The following EAF2 variants were observed in gnomAD, a reference collection of about 807,000 sequenced individuals.
EAF2 encodes ELL-associated factor 2.
Under a neutral mutation model 29.4 loss-of-function variants are expected in EAF2, and 29 were observed. That is an observed-to-expected ratio of 0.99 (90% confidence interval 0.73 to 1.35). EAF2 has a LOEUF of 1.35. Among genes scored for constraint, EAF2 ranks in the 40% most tolerant of loss-of-function variants. The probability of loss-of-function intolerance (pLI) is 0.00; values close to 1 mark genes in which losing one functional copy is unlikely to be tolerated. For synonymous variants in EAF2, 103 were observed against 102.5 expected (o/e 1.00, Z -0.03); for missense variants, 292 against 312.0 (o/e 0.94, Z 0.48).
intron 2 of EAF2, among the ~76,000 whole-genome samples, chr3:121,851,398 C>A (rs1025034949): frequency 6.6e-6 from 1 of 151,944 alleles, no homozygotes; most frequent in Non-Finnish European, 1.5e-5. Context: ...CCATGCTGGT[C>A]GGAAACTCCT....
At chr3:121,880,062 G>A (rs925095979) in intron 5 of EAF2, among the ~76,000 whole-genome samples, 1 of 152,082 alleles carries the variant, frequency 6.6e-6, no homozygotes, top group South Asian at 2.1e-4. Context: ...TCTTTAATCA[G>A]TGTTTTATAG....
At chr3:121,855,372 C>T (rs73855465) in intron 3 of EAF2, among the ~76,000 whole-genome samples, 31,638 of 152,000 alleles carry the variant, frequency 0.21, 4,080 homozygotes, top group Admixed American at 0.35. Flanking sequence ...ATAGTATAGA[C>T]AAAAATTGCT....
At chr3:121,865,079 A>G (rs1049723967) in intron 4 of EAF2, among the ~76,000 whole-genome samples, 2 of 152,162 alleles carry the variant, frequency 1.3e-5, no homozygotes, top group African/African-American at 4.8e-5. Context: ...GGCCTTAATA[A>G]AAGCATTGTA....
rs573293829 is a variant in EAF2, at chr3:121,845,116, A to G, written c.201+569A>G. On this transcript the variant is annotated intron_variant, in intron 2 of 5. Transcript: ENST00000273668. ...GCCGAAAGAACAAAGAGTTTGTGGA[A>G]TAAGTGACTTTACGTAGTAAATCAT... Among the ~76,000 whole-genome samples the G allele has an allele frequency of 2.0e-5, 3 of 152,328 alleles. No individual in the cohort carries two copies. The East Asian group carries it at 5.8e-4, about 29-fold the overall frequency.
At chr3:121,882,906 A>G (rs539480628) in intron 5 of EAF2, among the ~76,000 whole-genome samples, 236 of 151,944 alleles carry the variant, frequency 1.6e-3, no homozygotes, top group South Asian at 8.9e-3. Context: ...GCTCAGCTTT[A>G]TGAGACCCAA....
chr3:121,856,248 G>C (rs1163788964), intron 3 of EAF2, among the ~76,000 whole-genome samples: 1 of 150,310 alleles, frequency 6.7e-6, no homozygotes, highest in African/African-American at 2.5e-5. Context: ...TATCGTACCT[G>C]TTATACACTT....
chr3:121,856,498 A>G (rs904374372), intron 3 of EAF2, among the ~76,000 whole-genome samples: 2 of 151,604 alleles, frequency 1.3e-5, no homozygotes, highest in East Asian at 2.0e-4. Context: ...TTTTTGTTTT[A>G]TGAGACAGGG....
At chr3:121,836,709 C>T (rs1284011255) in intron 1 of EAF2, 31 of 987,618 alleles carry the variant, frequency 3.1e-5, no homozygotes, top group Non-Finnish European at 3.7e-5. Flanking sequence ...TCCCATTTTC[C>T]GGAAGTGTGA....
intron 2 of EAF2, among the ~76,000 whole-genome samples, chr3:121,845,440 C>CAAAAAAAAAAAAAAA (rs747436052): frequency 6.7e-5 from 4 of 59,928 alleles, no homozygotes; most frequent in East Asian, 5.9e-4. Context: ...TCCTACATCT[C>CAAAAAAAAAAAAAAA]AAAAAAAAAA....
chr3:121,847,882 C>A (rs13065245), intron 2 of EAF2, among the ~76,000 whole-genome samples: 32,593 of 151,898 alleles, frequency 0.21, 3,980 homozygotes, highest in Non-Finnish European at 0.28. Flanking sequence ...TCTCTTGGAG[C>A]TAGACATCCT....
intron 4 of EAF2, among the ~76,000 whole-genome samples, chr3:121,864,298 A>T (rs1708885975): frequency 6.6e-6 from 1 of 152,202 alleles, no homozygotes; most frequent in Non-Finnish European, 1.5e-5. Flanking sequence ...AGCCCAGTAG[A>T]GTATTCATTC....
intron 3 of EAF2, among the ~76,000 whole-genome samples, chr3:121,856,574 T>C (rs1186058720): frequency 1.3e-5 from 2 of 152,228 alleles, no homozygotes; most frequent in South Asian, 2.1e-4. Flanking sequence ...TTCTAACTCC[T>C]GGGCTCAAAT....
intron 2 of EAF2, among the ~76,000 whole-genome samples, 155 bp from the exon 3 acceptor site, chr3:121,854,532 C>G (rs2107516147): frequency 6.6e-6 from 1 of 152,130 alleles, no homozygotes; most frequent in African/African-American, 2.4e-5. Flanking sequence ...GTCTTTTTTA[C>G]TACACTCTTT....
chr3:121,858,930 C>A (rs1350376707), intron 4 of EAF2, among the ~76,000 whole-genome samples: 1 of 152,140 alleles, frequency 6.6e-6, no homozygotes, highest in East Asian at 1.9e-4. Context: ...ACAGGGAATC[C>A]TTTCCCCGTT....
At chr3:121,862,604 G>A (rs1417707659) in intron 4 of EAF2, among the ~76,000 whole-genome samples, 4 of 152,128 alleles carry the variant, frequency 2.6e-5, no homozygotes, top group Non-Finnish European at 2.9e-5. Flanking sequence ...GCTTCTTTGC[G>A]ATGGGTTCGA....
chr3:121,858,492 C>A (rs1208871126), intron 4 of EAF2, among the ~76,000 whole-genome samples: 1 of 152,238 alleles, frequency 6.6e-6, no homozygotes, highest in African/African-American at 2.4e-5. Flanking sequence ...TGTTCATATC[C>A]TTTGCCCACT....
intron 1 of EAF2, 146 bp from the exon 2 acceptor site, chr3:121,844,307 G>A (rs1170595347): frequency 2.5e-5 from 13 of 522,072 alleles, no homozygotes; most frequent in Non-Finnish European, 3.7e-5. Flanking sequence ...ATTGTATTTT[G>A]TTTGTTCATT....
intron 4 of EAF2, among the ~76,000 whole-genome samples, chr3:121,863,329 G>A (rs1708866363): frequency 6.6e-6 from 1 of 152,180 alleles, no homozygotes; most frequent in Non-Finnish European, 1.5e-5. Flanking sequence ...TCCTTGAGCT[G>A]CGGTGGGCTC....
In EAF2 at chr3:121,835,365, C is replaced by A. The variant is rs1182543046; in HGVS notation, c.80C>A (p.Pro27Gln). The change falls in exon 1 of 6, where the codon CCG becomes CAG. Residue 27 changes from proline to glutamine, a missense_variant. Coordinates refer to ENST00000273668, the MANE Select transcript of EAF2 (RefSeq NM_018456.6). Reference protein sequence around the residue: ...LKLGESFEKQPRCAFHTVRYD... With the variant: ...LKLGESFEKQQRCAFHTVRYD... ...TTAGGGGAGAGTTTCGAGAAGCAGC[C>A]GCGCTGCGCCTTCCACACTGTGCGC... 1 of 1,614,026 alleles carries A rather than the reference C, an allele frequency of 6.2e-7. No individual in the cohort carries two copies. The highest frequency in any genetic ancestry group is 8.5e-7 in the Non-Finnish European group (1 of 1,179,932).
Sources: allele counts gnomAD v4.1 joint callset (sites outside exome capture counted in the v4.1 genomes callset), GRCh38; gene constraint gnomAD v4.1.1; transcripts MANE v1.5; gene names NCBI Gene and HGNC (gene_info 2026-07-23, HGNC 2026-07-21).